Variants in DPYSL2 observed in about 807,000 individuals in gnomAD.
The protein encoded by DPYSL2 is dihydropyrimidinase like 2, also known as dihydropyrimidinase-related protein 2.
A neutral mutation model predicts 69.9 loss-of-function variants in DPYSL2; 13 were observed. The ratio of observed to expected loss-of-function variants is 0.19; its 90% confidence interval spans 0.12 to 0.30. The LOEUF is 0.30. Ranked by LOEUF, DPYSL2 falls within the 10% of genes least tolerant of loss-of-function variation. The pLI is 1.00. For missense variants in DPYSL2, 587 were observed against 918.9 expected (o/e 0.64, Z 4.67); for synonymous variants, 326 against 359.1 (o/e 0.91, Z 1.04).
intron 13 of DPYSL2, 87 bp from the exon 14 acceptor site, chr8:26,655,528 C>T (rs1470500266): frequency 4.1e-6 from 5 of 1,227,168 alleles, no homozygotes; most frequent in Non-Finnish European, 4.5e-6. Flanking sequence ...CACTTTTCCT[C>T]CTGAGCTGTG....
In DPYSL2 at chr8:26,562,092, A is replaced by ATAGTTTT. The variant is rs1801080342; in HGVS notation, c.355-19877_355-19876insTAGTTTT. 6.6e-6 allele frequency among the ~76,000 whole-genome samples: 1 copy of ATAGTTTT among 152,034 alleles called. No homozygotes were observed. Among genetic ancestry groups the ATAGTTTT allele is most frequent in the African/African-American group, 2.4e-5 (1 of 41,384 alleles). ...CACACTTGATAGTTTTCTCCTACTT[A>ATAGTTTT]CTCCACATCCAATCTATTAGTGACT... On this transcript the variant is annotated intron_variant, in intron 1 of 13. Coordinates refer to ENST00000521913, the MANE Select transcript of DPYSL2 (RefSeq NM_001197293.3). This position sits in a 1 kb window ranked among gnomAD's most constrained non-coding sequence, Gnocchi z 4.9.
Position 26,591,185 on chromosome 8 carries a change from C to T in DPYSL2, c.628+7202C>T, listed in dbSNP as rs1331562471. 6.6e-6 allele frequency among the ~76,000 whole-genome samples: 1 copy of T among 152,186 alleles called. No individual in the cohort carries two copies. Among genetic ancestry groups the T allele is most frequent in the African/African-American group, 2.4e-5 (1 of 41,444 alleles). The stretch of plus-strand genomic sequence containing the variant: ...TCACAGCACTGGGGGTTTCCCAGAG[C>T]CTAGACTCTGACTTGCCCTAAAGCT... On this transcript the variant is annotated intron_variant, in intron 3 of 13. Transcript: ENST00000521913. The surrounding 1 kb of genome is among the most constrained non-coding windows in gnomAD (Gnocchi z 5.8).
chr8:26,566,603 A>G (rs1585512760), intron 1 of DPYSL2, among the ~76,000 whole-genome samples: 1 of 152,198 alleles, frequency 6.6e-6, no homozygotes, highest in African/African-American at 2.4e-5. Context: ...CAGGCTTGAC[A>G]GGAGGGAAAG....
At chr8:26,590,299 T>C (rs1801696678) in intron 3 of DPYSL2, among the ~76,000 whole-genome samples, 2 of 152,202 alleles carry the variant, frequency 1.3e-5, no homozygotes, top group Non-Finnish European at 2.9e-5. Context: ...GGGCTGGTTC[T>C]CTGTGCTCCT....
At position 26,653,489 on chromosome 8, in the gene DPYSL2, T is replaced by C. The variant is rs1363713430; in HGVS notation, c.1942+92T>C. The C allele has an allele frequency of 1.5e-6, 2 of 1,290,474 alleles. No individual in the cohort carries two copies. Among genetic ancestry groups the C allele is most frequent in the South Asian group, 1.4e-5 (1 of 70,918 alleles). 79.9% of individuals were successfully genotyped at this position (1,290,474 alleles called of 1,614,324 possible). A position where few individuals can be genotyped will look rare whatever the true frequency, so the allele number is the denominator to read the frequency against. On this transcript the variant is annotated intron_variant, in intron 13 of 13. Transcript: ENST00000521913. This position sits in a 1 kb window ranked among gnomAD's most constrained non-coding sequence, Gnocchi z 5.7. ...GTTGCATTTGGAAAGGACACAGAAATAGAAGTGAATGATATTCCCTTTCTC... is the reference window on the plus strand; with the variant it reads ...GTTGCATTTGGAAAGGACACAGAAACAGAAGTGAATGATATTCCCTTTCTC...
intron 3 of DPYSL2, among the ~76,000 whole-genome samples, chr8:26,615,649 CAG>C (rs995677645): frequency 6.6e-6 from 1 of 152,102 alleles, no homozygotes; most frequent in African/African-American, 2.4e-5. Flanking sequence ...TTCTTCCAGA[CAG>C]AAGAAAACAC....
intron 3 of DPYSL2, among the ~76,000 whole-genome samples, chr8:26,594,829 A>C (rs991112488): frequency 3.3e-5 from 5 of 152,194 alleles, no homozygotes; most frequent in African/African-American, 1.2e-4. Context: ...TTTCAACTTC[A>C]AGCCTATGTA....
intron 3 of DPYSL2, among the ~76,000 whole-genome samples, chr8:26,600,215 T>A (rs979983611): frequency 1.3e-5 from 2 of 152,254 alleles, no homozygotes; most frequent in East Asian, 3.8e-4. Flanking sequence ...ATGAATAATG[T>A]ACATTTGTGG....
At chr8:26,525,319 C>T (rs1474909139) in intron 1 of DPYSL2, among the ~76,000 whole-genome samples, 1 of 152,118 alleles carries the variant, frequency 6.6e-6, no homozygotes, top group African/African-American at 2.4e-5. Context: ...CTCCTAGGCT[C>T]AAGCGATCCT....
Position 26,597,967 on chromosome 8 carries a change from C to T in DPYSL2, c.628+13984C>T, listed in dbSNP as rs1043856517. Among the ~76,000 whole-genome samples the T allele has an allele frequency of 1.3e-5, 2 of 152,128 alleles. No homozygotes were observed. Among genetic ancestry groups the T allele is most frequent in the Admixed American group, 1.3e-4 (2 of 15,268 alleles). ...CATCTTCATGGAGCTGGGAGACCTT[C>T]GTGCCAGGGTCGACTCTGCTGCTTA... On this transcript the variant is annotated intron_variant, in intron 3 of 13. Transcript: ENST00000521913. This position sits in a 1 kb window ranked among gnomAD's most constrained non-coding sequence, Gnocchi z 5.2.
intron 1 of DPYSL2, among the ~76,000 whole-genome samples, chr8:26,532,264 G>A (rs897666242): frequency 6.6e-6 from 1 of 152,072 alleles, no homozygotes; most frequent in African/African-American, 2.4e-5. Context: ...CTTTATGTCT[G>A]GTGGAGTTAA....
intron 3 of DPYSL2, among the ~76,000 whole-genome samples, chr8:26,601,439 G>A (rs11780034): frequency 0.14 from 21,607 of 151,558 alleles, 1,643 homozygotes; most frequent in African/African-American, 0.16. Flanking sequence ...GTGCGGTGGC[G>A]CCATCTCAGC....
chr8:26,580,918 C>T lies in DPYSL2; in HGVS notation c.355-1051C>T, dbSNP rs1801479650. On this transcript the variant is annotated intron_variant, in intron 1 of 13. Transcript: ENST00000521913. The surrounding 1 kb of genome is among the most constrained non-coding windows in gnomAD (Gnocchi z 4.1). Reference sequence around the variant, plus strand: ...GCAATAACGATGAGTCATAATGTAGCATTTCTGTCACATTCTCAGACTTTA... The same window carrying T: ...GCAATAACGATGAGTCATAATGTAGTATTTCTGTCACATTCTCAGACTTTA... Among the ~76,000 whole-genome samples, 1 of 152,182 alleles carries T rather than the reference C, an allele frequency of 6.6e-6. No homozygotes were observed. Among genetic ancestry groups the T allele is most frequent in the South Asian group, 2.1e-4 (1 of 4,830 alleles).
At position 26,627,721 on chromosome 8, in the gene DPYSL2, C is replaced by T; in HGVS notation, c.937-151C>T. 1.3e-6 allele frequency: 1 copy of T among 756,002 alleles called. No individual in the cohort carries two copies. The allele number at this position is 756,002 out of a possible 1,614,324, so 46.8% of individuals were successfully genotyped here. On this transcript the variant is annotated intron_variant, in intron 6 of 13. Transcript: ENST00000521913. This position sits in a 1 kb window ranked among gnomAD's most constrained non-coding sequence, Gnocchi z 6.9. ...CGGGACTGGGAACAGGGCAGTGAAC[C>T]CTTCTCTTCATGAGGTCTTGGGATG...
rs530566819 is a variant in DPYSL2, at chr8:26,596,883, G to C, written c.628+12900G>C. ...AAAGCTGCTTTGTGCCCAGCCTTGT[G>C]ACAGGTGCTTTACAACAATCCCAGA... On this transcript the variant is annotated intron_variant, in intron 3 of 13. Coordinates refer to ENST00000521913, the MANE Select transcript of DPYSL2 (RefSeq NM_001197293.3). Among the ~76,000 whole-genome samples, 6 of 152,300 alleles carry C rather than the reference G, an allele frequency of 3.9e-5. No homozygotes were observed. The South Asian group carries it at 1.0e-3, about 26-fold the overall frequency.
chr8:26,583,998 A>G lies in DPYSL2; in HGVS notation c.628+15A>G. 1 of 1,611,674 alleles carries G rather than the reference A, an allele frequency of 6.2e-7. No individual in the cohort carries two copies. The highest frequency in any genetic ancestry group is 8.5e-7 in the Non-Finnish European group (1 of 1,179,000). On this transcript the variant is annotated intron_variant, in intron 3 of 13. Transcript: ENST00000521913. ...CACTATGATCAGTAAGAAGCTTAAAAATCATCATTGTAGTGCTTAGGAAGT... is the reference window on the plus strand; with the variant it reads ...CACTATGATCAGTAAGAAGCTTAAAGATCATCATTGTAGTGCTTAGGAAGT...
intron 1 of DPYSL2, among the ~76,000 whole-genome samples, chr8:26,544,954 A>T (rs1800741700): frequency 6.6e-6 from 1 of 152,234 alleles, no homozygotes; most frequent in Non-Finnish European, 1.5e-5. Context: ...TCTACAGGAA[A>T]ATATAACAAT....
Position 26,653,267 on chromosome 8 carries a change from T to C in DPYSL2, c.1812T>C (p.Tyr604=). 2.5e-6 allele frequency: 4 copies of C among 1,614,146 alleles called. No individual in the cohort carries two copies. Among genetic ancestry groups the C allele is most frequent in the Non-Finnish European group, 3.4e-6 (4 of 1,180,026 alleles). ...AELRGVPRGL[Y]DGPVCEVSVT... ...TGAGAGGGGTTCCTCGTGGCCTGTA[T>C]GACGGACCTGTGTGTGAAGTGTCTG... Residue 604 remains tyrosine (Y), a synonymous_variant, in exon 13 of 14, where the codon TAT becomes TAC. Coordinates refer to ENST00000521913, the MANE Select transcript of DPYSL2 (RefSeq NM_001197293.3). The surrounding 1 kb of genome is among the most constrained non-coding windows in gnomAD (Gnocchi z 5.7).
Position 26,621,424 on chromosome 8 carries a change from G to T in DPYSL2, c.629-2719G>T, listed in dbSNP as rs972564255. On this transcript the variant is annotated intron_variant, in intron 3 of 13. Coordinates refer to ENST00000521913, the MANE Select transcript of DPYSL2 (RefSeq NM_001197293.3). The surrounding 1 kb of genome is among the most constrained non-coding windows in gnomAD (Gnocchi z 4.9). The stretch of plus-strand genomic sequence containing the variant: ...AGGGGTCTTTGCCGCAGCAAAAGCT[G>T]GTCCGGTTCCCAGGAGAGCCCCTCC... Among the ~76,000 whole-genome samples the T allele has an allele frequency of 6.6e-6, 1 of 152,182 alleles. No homozygotes were observed. The highest frequency in any genetic ancestry group is 1.5e-5 in the Non-Finnish European group (1 of 68,028).
Sources: allele counts gnomAD v4.1 joint callset (sites outside exome capture counted in the v4.1 genomes callset), GRCh38; gene constraint gnomAD v4.1.1; non-coding constraint Gnocchi (gnomAD v3.1); transcripts MANE v1.5; gene names NCBI Gene and HGNC (gene_info 2026-07-23, HGNC 2026-07-21).